Variants in FHIT observed in about 807,000 individuals in gnomAD.
FHIT encodes bis(5'-adenosyl)-triphosphatase.
A neutral mutation model predicts 17.9 loss-of-function variants in FHIT; 19 were observed. That is an observed-to-expected ratio of 1.06 (90% confidence interval 0.74 to 1.56). The LOEUF (loss-of-function observed/expected upper bound fraction) is 1.56. Ranked by LOEUF, FHIT falls within the 40% of genes most tolerant of loss-of-function variation. The pLI, the probability that FHIT is intolerant of heterozygous loss-of-function variation, is 0.00. For synonymous variants in FHIT, 81 were observed against 69.7 expected, an observed-to-expected ratio of 1.16 and a Z score of -0.81; for missense variants, 248 against 189.2, an observed-to-expected ratio of 1.31 and a Z score of -1.82.
chr3:60,774,823 T>C (rs1190042786), intron 4 of FHIT, among the ~76,000 whole-genome samples: 1 of 152,156 alleles, frequency 6.6e-6, no homozygotes, highest in Admixed American at 6.5e-5. Context: ...CATGGGATGA[T>C]TCATACACTG....
Position 60,517,650 on chromosome 3 carries a change from C to T in FHIT, c.103+19210G>A, listed in dbSNP as rs567363000. The stretch of plus-strand genomic sequence containing the variant: ...CATTTTATATGAAAATTATATTAAA[C>T]ATAATCTAGAATGTAAAACAGCACC... On this transcript the variant is annotated intron_variant, in intron 5 of 9. Transcript: ENST00000492590. Among the ~76,000 whole-genome samples, 6 of 152,226 alleles carry T rather than the reference C, an allele frequency of 3.9e-5. No homozygotes were observed. In the South Asian group the frequency reaches 1.0e-3, roughly 26 times the overall value.
At chr3:60,513,211 A>C (rs1287297000) in intron 5 of FHIT, among the ~76,000 whole-genome samples, 1 of 152,210 alleles carries the variant, frequency 6.6e-6, no homozygotes, top group Non-Finnish European at 1.5e-5. Context: ...CAAGATGTCA[A>C]AGTTAATGAA....
chr3:60,169,010 T>G (rs529178817), intron 5 of FHIT, among the ~76,000 whole-genome samples: 1 of 152,140 alleles, frequency 6.6e-6, no homozygotes, highest in Non-Finnish European at 1.5e-5. Flanking sequence ...TGAAATACAG[T>G]TGGAGGATTC....
At chr3:59,922,625 G>A (rs968628451) in intron 7 of FHIT, among the ~76,000 whole-genome samples, 6 of 152,148 alleles carry the variant, frequency 3.9e-5, no homozygotes, top group African/African-American at 1.4e-4. Context: ...GGGTATATAT[G>A]AGAGTTGGTG....
intron 5 of FHIT, among the ~76,000 whole-genome samples, chr3:60,347,295 C>G (rs1449848870): frequency 6.6e-6 from 1 of 151,926 alleles, no homozygotes; most frequent in Non-Finnish European, 1.5e-5. Flanking sequence ...TGATGTGTTT[C>G]ATAGGTTCAT....
intron 4 of FHIT, among the ~76,000 whole-genome samples, chr3:60,706,411 G>C (rs1276281995): frequency 6.6e-6 from 1 of 152,118 alleles, no homozygotes; most frequent in East Asian, 1.9e-4. Flanking sequence ...AAAAAGAAAA[G>C]AAAGGTGCAA....
intron 4 of FHIT, among the ~76,000 whole-genome samples, chr3:60,778,725 A>G (rs1340071738): frequency 6.6e-6 from 1 of 152,224 alleles, no homozygotes; most frequent in Non-Finnish European, 1.5e-5. Context: ...CAGTGCCAAT[A>G]AGAATCCATT....
intron 4 of FHIT, among the ~76,000 whole-genome samples, chr3:60,753,038 T>C (rs912037362): frequency 1.3e-5 from 2 of 152,220 alleles, no homozygotes; most frequent in Admixed American, 1.3e-4. Context: ...CTGGAACTAG[T>C]TGTGTTGTTG....
chr3:60,721,841 A>G (rs1360080962), intron 4 of FHIT, among the ~76,000 whole-genome samples: 1 of 152,160 alleles, frequency 6.6e-6, no homozygotes, highest in Non-Finnish European at 1.5e-5. Context: ...ACCCAGAAAA[A>G]CCACAATCAA....
intron 4 of FHIT, among the ~76,000 whole-genome samples, chr3:60,754,246 C>G (rs1251866891): frequency 6.6e-6 from 1 of 152,096 alleles, no homozygotes; most frequent in Non-Finnish European, 1.5e-5. Context: ...GCCAGTTAAC[C>G]TGAAAAATGA....
chr3:60,382,328 C>A (rs934472862), intron 5 of FHIT, among the ~76,000 whole-genome samples: 1 of 152,182 alleles, frequency 6.6e-6, no homozygotes, highest in Admixed American at 6.5e-5. Context: ...AAAAATGCAA[C>A]AAGAGTGCCA....
In FHIT at chr3:60,815,125, A is replaced by G. The variant is rs551953282; in HGVS notation, c.-18+6794T>C. ...GCTTGTTCAATCATTTAAGTTCCTT[A>G]TAGACTCCAGATATTAGACCTTTAG... On this transcript the variant is annotated intron_variant, in intron 4 of 9. Coordinates refer to ENST00000492590, the MANE Select transcript of FHIT (RefSeq NM_002012.4). 4.6e-5 allele frequency among the ~76,000 whole-genome samples: 7 copies of G among 151,992 alleles called. No homozygotes were observed. The East Asian group carries it at 1.4e-3, about 29-fold the overall frequency.
chr3:61,140,035 A>ATAAAT (rs1553852111), intron 2 of FHIT, among the ~76,000 whole-genome samples: 1 of 151,876 alleles, frequency 6.6e-6, no homozygotes, highest in African/African-American at 2.4e-5. Flanking sequence ...AAAAAAAAAA[A>ATAAAT]AAATAAGAAA....
chr3:59,806,039 G>T (rs1168816835), intron 8 of FHIT, among the ~76,000 whole-genome samples: 1 of 152,046 alleles, frequency 6.6e-6, no homozygotes, highest in Non-Finnish European at 1.5e-5. Context: ...AATTTAGCCG[G>T]GTGTGGTGGC....
At chr3:60,431,043 C>T (rs966339766) in intron 5 of FHIT, among the ~76,000 whole-genome samples, 3 of 151,998 alleles carry the variant, frequency 2.0e-5, no homozygotes, top group African/African-American at 7.2e-5. Context: ...GAAACCCTGT[C>T]TCTACTAAAA....
intron 5 of FHIT, among the ~76,000 whole-genome samples, chr3:60,370,440 T>C (rs1559860211): frequency 1.3e-5 from 2 of 152,212 alleles, no homozygotes; most frequent in Non-Finnish European, 2.9e-5. Flanking sequence ...TCACTAAAGA[T>C]GCCCGTGTCA....
intron 5 of FHIT, among the ~76,000 whole-genome samples, chr3:60,211,040 T>A (rs1167111396): frequency 3.6e-5 from 3 of 84,044 alleles, no homozygotes; most frequent in Admixed American, 1.5e-4. Context: ...ACATGGTACA[T>A]CCCCCATGAT....
At chr3:59,794,226 A>G (rs1469043550) in intron 8 of FHIT, among the ~76,000 whole-genome samples, 1 of 152,198 alleles carries the variant, frequency 6.6e-6, no homozygotes, top group Non-Finnish European at 1.5e-5. Context: ...AAACGAAACA[A>G]CAGACATCAG....
At chr3:61,007,833 C>A (rs964561010) in intron 3 of FHIT, among the ~76,000 whole-genome samples, 1 of 152,128 alleles carries the variant, frequency 6.6e-6, no homozygotes, top group African/African-American at 2.4e-5. Flanking sequence ...CAGAGCAACA[C>A]CCAGAGGTTC....
Sources: allele counts gnomAD v4.1 joint callset (sites outside exome capture counted in the v4.1 genomes callset), GRCh38; gene constraint gnomAD v4.1.1; transcripts MANE v1.5; gene names NCBI Gene and HGNC (gene_info 2026-07-23, HGNC 2026-07-21).